Variants in SNX3 observed in about 807,000 individuals in gnomAD.
SNX3 encodes sorting nexin 3, also known as sorting nexin-3.
SNX3 carries 5 observed loss-of-function variants against 17.7 expected under a neutral mutation model. That is an observed-to-expected ratio of 0.28 (90% confidence interval 0.15 to 0.59). SNX3 has a LOEUF of 0.59. SNX3 is among the 20% of genes least tolerant of loss of function. The pLI, the probability that SNX3 is intolerant of heterozygous loss-of-function variation, is 0.88. For synonymous variants in SNX3, 91 were observed against 76.5 expected, an observed-to-expected ratio of 1.19 and a Z score of -0.99; for missense variants, 132 against 206.8, an observed-to-expected ratio of 0.64 and a Z score of 2.22.
intron 1 of SNX3, among the ~76,000 whole-genome samples, chr6:108,253,397 T>C (rs1296736673): frequency 2.7e-5 from 4 of 150,778 alleles, no homozygotes; most frequent in Admixed American, 2.0e-4. Flanking sequence ...ATATGTCTTT[T>C]TTTTTTTTTT....
At chr6:108,241,832 G>C (rs1775532141) in intron 1 of SNX3, among the ~76,000 whole-genome samples, 1 of 152,146 alleles carries the variant, frequency 6.6e-6, no homozygotes, top group African/African-American at 2.4e-5. Context: ...CCATAGACAG[G>C]AGGATAAAAA....
At chr6:108,256,181 T>C (rs1307781672) in intron 1 of SNX3, among the ~76,000 whole-genome samples, 1 of 152,186 alleles carries the variant, frequency 6.6e-6, no homozygotes, top group Non-Finnish European at 1.5e-5. Flanking sequence ...CAGTGAGCTG[T>C]GACTGCACCA....
At chr6:108,253,892 G>A (rs1309128993) in intron 1 of SNX3, among the ~76,000 whole-genome samples, 4 of 152,084 alleles carry the variant, frequency 2.6e-5, no homozygotes, top group Non-Finnish European at 4.4e-5. Flanking sequence ...TTGGGAGGCC[G>A]AGGTGGGTGG....
chr6:108,212,350 T>C, intron 3 of SNX3, 96 bp from the exon 4 acceptor site: 1 of 864,154 alleles, frequency 1.2e-6, no homozygotes, highest in Middle Eastern at 2.9e-4. Context: ...TATAATTTTT[T>C]TTTTTTTGAG....
intron 1 of SNX3, among the ~76,000 whole-genome samples, chr6:108,230,939 C>G (rs1463139346): frequency 6.6e-6 from 1 of 152,074 alleles, no homozygotes; most frequent in Non-Finnish European, 1.5e-5. Context: ...AATTTGTTAC[C>G]ACTACTTAGT....
At chr6:108,260,253 G>A (rs1389313634) in intron 1 of SNX3, among the ~76,000 whole-genome samples, 3 of 152,120 alleles carry the variant, frequency 2.0e-5, no homozygotes, top group South Asian at 4.1e-4. Flanking sequence ...AGGCTTCTGT[G>A]AACTTTCATT....
intron 2 of SNX3, among the ~76,000 whole-genome samples, chr6:108,216,302 T>A (rs1362985494): frequency 1.3e-5 from 2 of 152,208 alleles, no homozygotes; most frequent in African/African-American, 4.8e-5. Context: ...CTGGCATTCT[T>A]TTCTTTAGCA....
At position 108,222,870 on chromosome 6, in the gene SNX3, C is replaced by A. The variant is rs552489596; in HGVS notation, c.258+80G>T. 9.7e-6 allele frequency: 8 copies of A among 826,632 alleles called. No individual in the cohort carries two copies. The East Asian group carries it at 1.8e-4, about 18-fold the overall frequency. The allele number at this position is 826,632 out of a possible 1,614,324, so 51.2% of individuals were successfully genotyped here. A position where few individuals can be genotyped will look rare whatever the true frequency, so the allele number is the denominator to read the frequency against. ...CATATTTGCTTTTACCCATTTTATTCAATATCATTTTCCTGAGAAATATTA... is the reference window on the plus strand; with the variant it reads ...CATATTTGCTTTTACCCATTTTATTAAATATCATTTTCCTGAGAAATATTA... On this transcript the variant is annotated intron_variant, in intron 2 of 3. Transcript: ENST00000230085.
chr6:108,255,506 C>T (rs112824316), intron 1 of SNX3, among the ~76,000 whole-genome samples: 1 of 152,082 alleles, frequency 6.6e-6, no homozygotes, highest in South Asian at 2.1e-4. Flanking sequence ...GCACACGCCA[C>T]CATGCCTGGC....
intron 1 of SNX3, among the ~76,000 whole-genome samples, chr6:108,223,906 T>C (rs758828008): frequency 6.6e-6 from 1 of 152,172 alleles, no homozygotes; most frequent in Non-Finnish European, 1.5e-5. Flanking sequence ...TAAATGTAGG[T>C]CATTTTCTTA....
At chr6:108,223,870 T>G (rs1366485891) in intron 1 of SNX3, among the ~76,000 whole-genome samples, 1 of 152,172 alleles carries the variant, frequency 6.6e-6, no homozygotes, top group African/African-American at 2.4e-5. Context: ...TGCTTTTGGA[T>G]GTCATTCTGC....
intron 1 of SNX3, among the ~76,000 whole-genome samples, chr6:108,241,173 T>C (rs770649133): frequency 1.4e-5 from 2 of 141,306 alleles, no homozygotes; most frequent in African/African-American, 5.2e-5. Context: ...AAAAAAAGTA[T>C]GTGTGCTTAC....
intron 1 of SNX3, among the ~76,000 whole-genome samples, chr6:108,240,511 GC>G (rs1775484460): frequency 6.6e-6 from 1 of 152,152 alleles, no homozygotes; most frequent in Non-Finnish European, 1.5e-5. Context: ...GAGCCACCAT[GC>G]CCGGCCAGAA....
chr6:108,259,579 A>G (rs2114778204), intron 1 of SNX3, among the ~76,000 whole-genome samples: 1 of 152,348 alleles, frequency 6.6e-6, no homozygotes, highest in African/African-American at 2.4e-5. Context: ...GTGGCTTGAA[A>G]CATTAAACTA....
At chr6:108,240,307 C>T (rs1775477638) in intron 1 of SNX3, among the ~76,000 whole-genome samples, 1 of 152,142 alleles carries the variant, frequency 6.6e-6, no homozygotes. Flanking sequence ...TAACCTCTGC[C>T]TCACTGGTTC....
chr6:108,248,929 A>G (rs1775769090), intron 1 of SNX3, among the ~76,000 whole-genome samples: 1 of 152,110 alleles, frequency 6.6e-6, no homozygotes, highest in South Asian at 2.1e-4. Context: ...CCCAGCTTTT[A>G]GACAAGAGAG....
intron 3 of SNX3, among the ~76,000 whole-genome samples, 197 bp from the exon 4 acceptor site, chr6:108,212,451 C>A (rs895680107): frequency 6.6e-6 from 1 of 151,878 alleles, no homozygotes; most frequent in Non-Finnish European, 1.5e-5. Context: ...TGATTTCGTG[C>A]CTCAGCCCCC....
intron 1 of SNX3, among the ~76,000 whole-genome samples, chr6:108,229,259 C>CAAAA (rs778617695): frequency 1.3e-4 from 9 of 68,752 alleles, no homozygotes; most frequent in Non-Finnish European, 2.7e-4. Context: ...GACTCCACCT[C>CAAAA]AAAAAAAAAA....
At chr6:108,244,803 C>G (rs1466015148) in intron 1 of SNX3, among the ~76,000 whole-genome samples, 1 of 151,738 alleles carries the variant, frequency 6.6e-6, no homozygotes, top group Non-Finnish European at 1.5e-5. Flanking sequence ...CCATGCCCAG[C>G]TAATTTTTTG....
Sources: gnomAD v4.1 joint callset for allele counts (sites outside exome capture counted in the v4.1 genomes callset) on GRCh38, gnomAD v4.1.1 for gene constraint, MANE v1.5 for transcripts, NCBI Gene and HGNC (gene_info 2026-07-23, HGNC 2026-07-21) for gene names.